The following FOXJ3 variants were observed in gnomAD, a reference collection of about 807,000 sequenced individuals.
FOXJ3 encodes forkhead box J3.
In FOXJ3, 22 loss-of-function variants were observed where a neutral mutation model predicts 76.1. That is an observed-to-expected ratio of 0.29 (90% CI 0.21 to 0.41). The LOEUF (loss-of-function observed/expected upper bound fraction) is 0.41, where lower values mean the gene tolerates loss of function less well. Among genes scored for constraint, FOXJ3 ranks in the 10% least tolerant of loss-of-function variants. The probability of loss-of-function intolerance (pLI) is 1.00; values close to 1 mark genes in which losing one functional copy is unlikely to be tolerated. For synonymous variants in FOXJ3, 269 were observed against 261.2 expected, an observed-to-expected ratio of 1.03 and a Z score of -0.29; for missense variants, 613 against 762.1, an observed-to-expected ratio of 0.80 and a Z score of 2.30.
chr1:42,188,676 G>C (rs1396095748), intron 11 of FOXJ3, 61 bp downstream of exon 11: 1 of 1,172,382 alleles, frequency 8.5e-7, no homozygotes, highest in Non-Finnish European at 1.2e-6. Context: ...GGTTAAGACA[G>C]TTACTAAATT....
intron 2 of FOXJ3, among the ~76,000 whole-genome samples, chr1:42,300,876 A>C (rs1436104861): frequency 6.6e-6 from 1 of 152,194 alleles, no homozygotes; most frequent in Admixed American, 6.5e-5. Flanking sequence ...TCTGCTGAGA[A>C]GTTTGGTGTT....
rs1557726433 is a variant in FOXJ3, at chr1:42,324,209, C to CTGTG, written c.-18+10849_-18+10850insCACA. Among the ~76,000 whole-genome samples, 250 of 106,298 alleles carry CTGTG rather than the reference C, an allele frequency of 2.4e-3. 1 individual carries two copies. The highest frequency in any genetic ancestry group is 8.3e-3 in the African/African-American group (231 of 27,882). The allele number at this position is 106,298 out of a possible 152,430, so 69.7% of individuals were successfully genotyped here. A position where few individuals can be genotyped will look rare whatever the true frequency, so the allele number is the denominator to read the frequency against. On this transcript the variant is annotated intron_variant, in intron 1 of 12. Coordinates refer to ENST00000361346, the MANE Select transcript of FOXJ3 (RefSeq NM_014947.5). ...TAGGAATATATATACTATATATATACTATATATATAAATTCTAGGAATATA... is the reference window on the plus strand; with the variant it reads ...TAGGAATATATATACTATATATATACTGTGTATATATATAAATTCTAGGAATATA...
intron 2 of FOXJ3, among the ~76,000 whole-genome samples, chr1:42,280,628 A>G (rs529955461): frequency 6.6e-6 from 1 of 152,176 alleles, no homozygotes; most frequent in South Asian, 2.1e-4. Flanking sequence ...CAGTAATGAA[A>G]AACTGCAGTT....
At chr1:42,275,272 A>C (rs1652175275) in intron 3 of FOXJ3, among the ~76,000 whole-genome samples, 1 of 152,214 alleles carries the variant, frequency 6.6e-6, no homozygotes, top group Admixed American at 6.5e-5. Context: ...AGGAAGGCCT[A>C]AGAGAAACTA....
intron 1 of FOXJ3, among the ~76,000 whole-genome samples, chr1:42,321,434 G>C (rs1655421682): frequency 6.6e-6 from 1 of 152,108 alleles, no homozygotes; most frequent in African/African-American, 2.4e-5. Flanking sequence ...CCACTGAATG[G>C]ACTGTTTCTA....
chr1:42,251,284 G>C (rs973771074), intron 4 of FOXJ3, among the ~76,000 whole-genome samples: 2 of 152,152 alleles, frequency 1.3e-5, no homozygotes, highest in Admixed American at 1.3e-4. Flanking sequence ...GAGGCCAATG[G>C]AACATCTTCA....
Position 42,205,878 on chromosome 1 carries a change from C to A in FOXJ3, c.529-15G>T, listed in dbSNP as rs1279981675. The A allele has an allele frequency of 6.9e-7, 1 of 1,458,310 alleles. No individual in the cohort carries two copies. Among genetic ancestry groups the A allele is most frequent in the Non-Finnish European group, 9.6e-7 (1 of 1,043,890 alleles). The allele number at this position is 1,458,310 out of a possible 1,614,324, so 90.3% of individuals were successfully genotyped here. ...GGAGTTGAGGCCTAAAATACAAGAA[C>A]AAAATAAATAATTATTAGCTCATAT... On this transcript the variant is annotated splice_polypyrimidine_tract_variant and intron_variant, in intron 5 of 12. Transcript: ENST00000361346.
chr1:42,245,522 A>T (rs998944696), intron 4 of FOXJ3, among the ~76,000 whole-genome samples: 1 of 152,360 alleles, frequency 6.6e-6, no homozygotes, highest in East Asian at 1.9e-4. Flanking sequence ...CAACATAGGC[A>T]TATCAATAAA....
At chr1:42,271,338 T>A (rs1651853171) in intron 3 of FOXJ3, among the ~76,000 whole-genome samples, 1 of 152,060 alleles carries the variant, frequency 6.6e-6, no homozygotes, top group South Asian at 2.1e-4. Flanking sequence ...AACATGTACA[T>A]GGGTTCAAAA....
intron 6 of FOXJ3, among the ~76,000 whole-genome samples, chr1:42,201,063 A>C (rs372335017): frequency 3.7e-5 from 4 of 107,428 alleles, no homozygotes; most frequent in Non-Finnish European, 6.2e-5. Context: ...TGCTAACATA[A>C]GTGTTATCTT....
intron 4 of FOXJ3, among the ~76,000 whole-genome samples, chr1:42,237,686 T>C (rs7542112): frequency 0.011 from 1,610 of 152,018 alleles, 27 homozygotes; most frequent in African/African-American, 0.037. Context: ...TATCTTTTTT[T>C]TTAAATTTGC....
intron 5 of FOXJ3, among the ~76,000 whole-genome samples, chr1:42,211,465 T>C (rs1325798613): frequency 6.6e-6 from 1 of 152,046 alleles, no homozygotes; most frequent in African/African-American, 2.4e-5. Context: ...TCCTTCCCCT[T>C]GAGAAGACCT....
chr1:42,206,623 T>C (rs1646866769), intron 5 of FOXJ3, among the ~76,000 whole-genome samples: 1 of 152,208 alleles, frequency 6.6e-6, no homozygotes, highest in Admixed American at 6.5e-5. Flanking sequence ...TTGATACATA[T>C]TAGATGTACA....
intron 5 of FOXJ3, among the ~76,000 whole-genome samples, chr1:42,208,324 A>G (rs1646899472): frequency 6.6e-6 from 1 of 152,220 alleles, no homozygotes. Flanking sequence ...CAGTTCAGTA[A>G]AAGGATCATT....
At chr1:42,277,333 G>C (rs889185520) in intron 3 of FOXJ3, among the ~76,000 whole-genome samples, 2 of 146,832 alleles carry the variant, frequency 1.4e-5, no homozygotes, top group Admixed American at 1.4e-4. Context: ...ACTCGACCTT[G>C]GGTAACAGAG....
rs532049589 is a variant in FOXJ3 at position 42,242,531 on chromosome 1, TTGA to T, written c.445-14568_445-14566del. Among the ~76,000 whole-genome samples the T allele has an allele frequency of 3.8e-3, 572 of 150,270 alleles. 1 individual carries two copies. The highest frequency in any genetic ancestry group is 7.1e-3 in the Non-Finnish European group (481 of 67,768). ...CAAGCAGAAAGAAGAATCTCAGAAC[TTGA>T]TGAGAGATCTTTAGAAATAACTCAA... On this transcript the variant is annotated intron_variant, in intron 4 of 12. Coordinates refer to ENST00000361346, the MANE Select transcript of FOXJ3 (RefSeq NM_014947.5).
intron 5 of FOXJ3, among the ~76,000 whole-genome samples, chr1:42,211,301 G>T (rs887124058): frequency 2.0e-5 from 3 of 152,122 alleles, no homozygotes; most frequent in Non-Finnish European, 2.9e-5. Context: ...TCCATGAGAG[G>T]TAGAGTCATA....
rs527480958 is a variant in FOXJ3, at chr1:42,237,153, A to C, written c.445-9187T>G. On this transcript the variant is annotated intron_variant, in intron 4 of 12. Transcript: ENST00000361346. The stretch of plus-strand genomic sequence containing the variant: ...CACTCTCGGAGGCCGAGGGGGGTGG[A>C]TCACGAGGTAAGGAGATCGAGACCA... Among the ~76,000 whole-genome samples, 3 of 152,106 alleles carry C rather than the reference A, an allele frequency of 2.0e-5. No individual in the cohort carries two copies. The East Asian group carries it at 5.8e-4, about 29-fold the overall frequency.
chr1:42,238,533 G>A (rs941341237), intron 4 of FOXJ3, among the ~76,000 whole-genome samples: 5 of 151,954 alleles, frequency 3.3e-5, no homozygotes, highest in Admixed American at 2.0e-4. Flanking sequence ...GGACCAGCAC[G>A]CCAATTTCTA....
Sources: gnomAD v4.1 joint callset for allele counts (sites outside exome capture counted in the v4.1 genomes callset) on GRCh38, gnomAD v4.1.1 for gene constraint, MANE v1.5 for transcripts, NCBI Gene and HGNC (gene_info 2026-07-23, HGNC 2026-07-21) for gene names.